Variants in BNC2 observed in about 807,000 individuals in gnomAD.
BNC2 encodes zinc finger protein basonuclin-2.
In BNC2, 20 loss-of-function variants were observed where a neutral mutation model predicts 76.3. That is an observed-to-expected ratio of 0.26 (90% CI 0.18 to 0.38). The LOEUF is 0.38. Among genes scored for constraint, BNC2 ranks in the 10% least tolerant of loss-of-function variants. The pLI is 1.00. For synonymous variants in BNC2, 582 were observed against 514.8 expected, an observed-to-expected ratio of 1.13 and a Z score of -1.77; for missense variants, 1,382 against 1,399.8, an observed-to-expected ratio of 0.99 and a Z score of 0.20.
At chr9:16,474,430 T>C (rs1353934045) in intron 5 of BNC2, among the ~76,000 whole-genome samples, 2 of 152,138 alleles carry the variant, frequency 1.3e-5, no homozygotes, top group African/African-American at 4.8e-5. Flanking sequence ...GGTATTTACT[T>C]AGATGGCTGA....
At chr9:16,780,036 A>G (rs1014084565) in intron 1 of BNC2, among the ~76,000 whole-genome samples, 3 of 151,482 alleles carry the variant, frequency 2.0e-5, no homozygotes, top group Admixed American at 1.3e-4. Context: ...GCAGATCGAG[A>G]CCATCCTGGC....
At chr9:16,627,253 G>C (rs529511999) in intron 3 of BNC2, among the ~76,000 whole-genome samples, 3 of 152,278 alleles carry the variant, frequency 2.0e-5, no homozygotes, top group South Asian at 4.1e-4. Flanking sequence ...ATTTTACTTA[G>C]ACTTTGAAAA....
intron 5 of BNC2, among the ~76,000 whole-genome samples, chr9:16,452,571 G>A (rs941767335): frequency 3.9e-5 from 6 of 152,066 alleles, no homozygotes; most frequent in Non-Finnish European, 5.9e-5. Flanking sequence ...TGCCATGCCC[G>A]GCTAATTTTT....
chr9:16,618,819 G>A (rs1023537620), intron 3 of BNC2, among the ~76,000 whole-genome samples: 2 of 152,132 alleles, frequency 1.3e-5, no homozygotes, highest in African/African-American at 4.8e-5. Flanking sequence ...TTTCATAAAG[G>A]TGGAGGACAA....
chr9:16,459,775 G>T (rs924240112), intron 5 of BNC2, among the ~76,000 whole-genome samples: 11 of 152,090 alleles, frequency 7.2e-5, no homozygotes, highest in African/African-American at 2.7e-4. Context: ...TGGGGCTTAT[G>T]CACCTTATCA....
At chr9:16,689,163 CAAAAAAAAA>C (rs58620248) in intron 3 of BNC2, among the ~76,000 whole-genome samples, 1 of 50,504 alleles carries the variant, frequency 2.0e-5, no homozygotes, top group Admixed American at 2.1e-4. Context: ...ACTGAGATCA[CAAAAAAAAA>C]AAAAAAAAAA....
At chr9:16,581,827 G>A (rs1158633928) in intron 4 of BNC2, among the ~76,000 whole-genome samples, 2 of 152,104 alleles carry the variant, frequency 1.3e-5, no homozygotes, top group African/African-American at 4.8e-5. Context: ...AATAAAGCAG[G>A]AAAGCGCTCT....
rs144281264 is a variant in BNC2, at chr9:16,436,950, G to A, written c.1244C>T (p.Thr415Ile). ...IQNSAPVSDL[T>I]KTEHPKSSFR... ...TGAGCTTTTTGGGTGTTCAGTTTTG[G>A]TTAGATCACTGACTGGGGCAGAATT... Residue 415 changes from threonine to isoleucine, a missense_variant, in exon 6 of 7, where the codon ACC becomes ATC. This residue lies in a region of BNC2 where 557 missense variants were observed against 540.9 expected (regional missense o/e 1.03). Transcript: ENST00000380672. 3.0e-5 allele frequency: 49 copies of A among 1,614,076 alleles called. No individual in the cohort carries two copies. The highest frequency in any genetic ancestry group is 4.1e-5 in the Non-Finnish European group (48 of 1,180,024).
chr9:16,421,420 G>T (rs1002488934), intron 6 of BNC2: 3 of 494,296 alleles, frequency 6.1e-6, no homozygotes, highest in Non-Finnish European at 1.0e-5. Context: ...CAATAAAATA[G>T]GGATTTAAAA....
At chr9:16,569,848 C>A (rs1238914469) in intron 4 of BNC2, among the ~76,000 whole-genome samples, 4 of 152,204 alleles carry the variant, frequency 2.6e-5, no homozygotes, top group African/African-American at 4.8e-5. Flanking sequence ...ATTATTGCCA[C>A]TGCTGTTCTA....
chr9:16,770,532 C>G (rs994623341), intron 1 of BNC2, among the ~76,000 whole-genome samples: 1 of 152,158 alleles, frequency 6.6e-6, no homozygotes, highest in Non-Finnish European at 1.5e-5. Flanking sequence ...ACTTCCAAAT[C>G]AGGAGTTTAC....
intron 3 of BNC2, among the ~76,000 whole-genome samples, chr9:16,596,827 A>T (rs544899031): frequency 1.1e-4 from 16 of 152,238 alleles, no homozygotes; most frequent in East Asian, 3.9e-4. Context: ...TTAATTTTTT[A>T]AAAAATAAGC....
At chr9:16,778,686 T>G (rs2135525154) in intron 1 of BNC2, among the ~76,000 whole-genome samples, 1 of 152,356 alleles carries the variant, frequency 6.6e-6, no homozygotes, top group Admixed American at 6.5e-5. Flanking sequence ...CTTCCAAGCC[T>G]GAGCTCTTTC....
intron 3 of BNC2, among the ~76,000 whole-genome samples, chr9:16,671,712 G>A (rs1224159017): frequency 2.0e-5 from 3 of 152,126 alleles, no homozygotes; most frequent in Middle Eastern, 3.2e-3. Context: ...TTGGCCCACC[G>A]TTAGTCACCT....
chr9:16,456,892 G>T (rs977374961), intron 5 of BNC2, among the ~76,000 whole-genome samples: 3 of 152,148 alleles, frequency 2.0e-5, no homozygotes, highest in South Asian at 2.1e-4. Context: ...AACTCATAAA[G>T]AATTTCCATA....
chr9:16,542,502 T>C (rs1214454465), intron 5 of BNC2, among the ~76,000 whole-genome samples: 1 of 152,212 alleles, frequency 6.6e-6, no homozygotes, highest in South Asian at 2.1e-4. Flanking sequence ...ATGGTAGGTT[T>C]CTAAAACAAT....
intron 3 of BNC2, among the ~76,000 whole-genome samples, chr9:16,664,008 T>C (rs1822190554): frequency 6.6e-6 from 1 of 152,198 alleles, no homozygotes; most frequent in Non-Finnish European, 1.5e-5. Flanking sequence ...TAACGTGCCA[T>C]TATTATTAGA....
At chr9:16,577,635 A>T (rs149569601) in intron 4 of BNC2, among the ~76,000 whole-genome samples, 11 of 152,308 alleles carry the variant, frequency 7.2e-5, no homozygotes, top group Admixed American at 2.0e-4. Flanking sequence ...ATAGGCAGGA[A>T]AAAAGCTGGC....
intron 5 of BNC2, among the ~76,000 whole-genome samples, chr9:16,454,092 T>C (rs2131110122): frequency 6.6e-6 from 1 of 152,310 alleles, no homozygotes; most frequent in East Asian, 1.9e-4. Flanking sequence ...GTTATCTCTC[T>C]CTCTTGAATT....
Sources: gnomAD v4.1 joint callset for allele counts (sites outside exome capture counted in the v4.1 genomes callset) on GRCh38, gnomAD v4.1.1 for gene constraint, gnomAD v4.1.1 regional missense constraint, MANE v1.5 for transcripts, NCBI Gene and HGNC (gene_info 2026-07-23, HGNC 2026-07-21) for gene names.